CDC42SE2: variants seen among roughly 807,000 people sequenced by gnomAD.
The protein encoded by CDC42SE2 is CDC42 small effector protein 2.
CDC42SE2 carries 3 observed loss-of-function variants against 11.5 expected under a neutral mutation model. That is an observed-to-expected ratio of 0.26 (90% CI 0.12 to 0.67). The LOEUF is 0.67. Ranked by LOEUF, CDC42SE2 falls within the 30% of genes least tolerant of loss-of-function variation. The pLI, the probability that CDC42SE2 is intolerant of heterozygous loss-of-function variation, is 0.80. For missense variants in CDC42SE2, 82 were observed against 106.8 expected, an observed-to-expected ratio of 0.77 and a Z score of 1.02; for synonymous variants, 33 against 34.8, an observed-to-expected ratio of 0.95 and a Z score of 0.18.
intron 2 of CDC42SE2, among the ~76,000 whole-genome samples, chr5:131,318,983 C>T (rs1322758007): frequency 6.6e-6 from 1 of 152,076 alleles, no homozygotes; most frequent in Non-Finnish European, 1.5e-5. Context: ...CTCATTGCAA[C>T]CTCCGCCTCC....
chr5:131,296,236 G>A (rs1033344520), intron 1 of CDC42SE2, among the ~76,000 whole-genome samples: 3 of 152,148 alleles, frequency 2.0e-5, no homozygotes, highest in Non-Finnish European at 1.5e-5. Flanking sequence ...CCAAAATCCT[G>A]TTTTGATTGG....
At chr5:131,283,502 T>C (rs575178730) in intron 1 of CDC42SE2, among the ~76,000 whole-genome samples, 1 of 152,152 alleles carries the variant, frequency 6.6e-6, no homozygotes, top group East Asian at 1.9e-4. Flanking sequence ...CATTCTCTTT[T>C]TTTTTTTTGA....
chr5:131,338,510 A>G (rs1369658217), intron 2 of CDC42SE2, among the ~76,000 whole-genome samples: 1 of 152,252 alleles, frequency 6.6e-6, no homozygotes, highest in Non-Finnish European at 1.5e-5. Flanking sequence ...AATCTCTGCA[A>G]CTGTGATAGA....
chr5:131,268,984 C>T (rs990609338), intron 1 of CDC42SE2, among the ~76,000 whole-genome samples: 27 of 151,712 alleles, frequency 1.8e-4, no homozygotes, highest in African/African-American at 5.1e-4. Context: ...CGCTTGACCT[C>T]GTGATCCGCC....
At chr5:131,235,125 G>A in the CDC42SE2 span, among the ~76,000 whole-genome samples, 5 of 151,912 alleles carry the variant, frequency 3.3e-5, no homozygotes, top group Non-Finnish European at 4.4e-5. Flanking sequence ...TCCTGACCTC[G>A]TGATCTGCCT....
At chr5:131,289,976 A>G (rs1037950372) in intron 1 of CDC42SE2, among the ~76,000 whole-genome samples, 1 of 152,068 alleles carries the variant, frequency 6.6e-6, no homozygotes. Flanking sequence ...TTGAGTAGCT[A>G]GGATCACAGG....
At chr5:131,239,706 T>A in the CDC42SE2 span, among the ~76,000 whole-genome samples, 560 of 152,270 alleles carry the variant, frequency 3.7e-3, 2 homozygotes, top group Non-Finnish European at 6.1e-3. Context: ...CCTGCATCAG[T>A]TTTAATATTA....
intron 2 of CDC42SE2, among the ~76,000 whole-genome samples, chr5:131,339,822 A>G (rs1446400154): frequency 2.6e-5 from 4 of 151,488 alleles, no homozygotes; most frequent in East Asian, 1.9e-4. Flanking sequence ...AAAAAAAAAA[A>G]AGAGAGAGAA....
intron 1 of CDC42SE2, among the ~76,000 whole-genome samples, chr5:131,291,138 A>G (rs1757450234): frequency 6.6e-6 from 1 of 152,134 alleles, no homozygotes; most frequent in Admixed American, 6.5e-5. Context: ...TCTTAATGCT[A>G]TTTGGTTAGC....
intron 2 of CDC42SE2, among the ~76,000 whole-genome samples, chr5:131,337,062 G>C (rs1018587196): frequency 1.3e-5 from 2 of 151,998 alleles, no homozygotes; most frequent in East Asian, 3.9e-4. Context: ...TAGCGTTTCC[G>C]GTTTTTCTGC....
At chr5:131,322,473 C>G (rs1056924281) in intron 2 of CDC42SE2, among the ~76,000 whole-genome samples, 3 of 152,086 alleles carry the variant, frequency 2.0e-5, no homozygotes, top group Non-Finnish European at 4.4e-5. Flanking sequence ...TAAGGCTCAT[C>G]CATTTTATAG....
chr5:131,293,417 C>G (rs1757503470), intron 1 of CDC42SE2, among the ~76,000 whole-genome samples: 1 of 152,088 alleles, frequency 6.6e-6, no homozygotes, highest in Non-Finnish European at 1.5e-5. Flanking sequence ...ACTAAAAATA[C>G]AAAAATTAGC....
chr5:131,218,338 A>G, the CDC42SE2 span, among the ~76,000 whole-genome samples: 1 of 152,172 alleles, frequency 6.6e-6, no homozygotes, highest in East Asian at 1.9e-4. Context: ...TAAAACTACA[A>G]TGCAATATCA....
intron 1 of CDC42SE2, among the ~76,000 whole-genome samples, chr5:131,267,000 C>T (rs1317538174): frequency 2.1e-5 from 2 of 95,370 alleles, no homozygotes. Flanking sequence ...CATCAGAATT[C>T]TTGACAATCA....
intron 2 of CDC42SE2, among the ~76,000 whole-genome samples, chr5:131,336,066 A>C (rs1758552624): frequency 6.6e-6 from 1 of 152,162 alleles, no homozygotes; most frequent in Admixed American, 6.5e-5. Context: ...CCTAGCCTTG[A>C]TGATCTTTAC....
At chr5:131,290,533 A>T (rs1580734085) in intron 1 of CDC42SE2, among the ~76,000 whole-genome samples, 1 of 123,268 alleles carries the variant, frequency 8.1e-6, no homozygotes, top group Non-Finnish European at 1.6e-5. Flanking sequence ...CCCAGGCTGG[A>T]GTGCAGTGGC....
At chr5:131,315,335 A>G (rs1180854758) in intron 1 of CDC42SE2, among the ~76,000 whole-genome samples, 3 of 152,170 alleles carry the variant, frequency 2.0e-5, no homozygotes, top group Non-Finnish European at 4.4e-5. Context: ...TTATCCCCTT[A>G]TGCTATATTA....
At chr5:131,223,940 T>C in the CDC42SE2 span, among the ~76,000 whole-genome samples, 1 of 152,182 alleles carries the variant, frequency 6.6e-6, no homozygotes, top group Non-Finnish European at 1.5e-5. Context: ...TCCTGAGTCC[T>C]CATCTTACCT....
chr5:131,359,910 C>T lies in CDC42SE2; in HGVS notation c.54+363C>T, dbSNP rs557566129. On this transcript the variant is annotated intron_variant, in intron 3 of 4. Transcript: ENST00000505065. ...TGACAGCCATATTGCCATCATATTC[C>T]TCTCAGCTTACCATCTCATTTTCCT... Among the ~76,000 whole-genome samples, 3 of 152,100 alleles carry T rather than the reference C, an allele frequency of 2.0e-5. No individual in the cohort carries two copies. In the South Asian group the frequency reaches 6.2e-4, roughly 32 times the overall value.
Sources: allele counts gnomAD v4.1 joint callset (sites outside exome capture counted in the v4.1 genomes callset), GRCh38; gene constraint gnomAD v4.1.1; transcripts MANE v1.5; gene names NCBI Gene and HGNC (gene_info 2026-07-23, HGNC 2026-07-21).